Variants in RNF123 observed in about 807,000 individuals in gnomAD.
RNF123 encodes ring finger protein 123.
A neutral mutation model predicts 168.5 loss-of-function variants in RNF123; 86 were observed. That is an observed-to-expected ratio of 0.51 (90% CI 0.43 to 0.61). The LOEUF is 0.61. Ranked by LOEUF, RNF123 falls within the 20% of genes least tolerant of loss-of-function variation. RNF123 has a pLI of 0.00. For missense variants in RNF123, 1,419 were observed against 1,729.7 expected (o/e 0.82, Z 3.19); for synonymous variants, 666 against 689.1 (o/e 0.97, Z 0.52).
At chr3:49,693,894 A>G (rs952006987) in intron 3 of RNF123, among the ~76,000 whole-genome samples, 3 of 152,048 alleles carry the variant, frequency 2.0e-5, no homozygotes, top group African/African-American at 4.8e-5. Flanking sequence ...TACCATTCGT[A>G]TGTCTTCTTT....
chr3:49,700,596 T>C, intron 14 of RNF123, 32 bp downstream of exon 14: 1 of 1,614,054 alleles, frequency 6.2e-7, no homozygotes, highest in Non-Finnish European at 8.5e-7. Context: ...CTGAGCCCCC[T>C]GGGACTCGCC....
Position 49,720,372 on chromosome 3 carries a change from GT to G in RNF123, c.3501-136del, listed in dbSNP as rs2080373133. 43 of 850,884 alleles carry G rather than the reference GT, an allele frequency of 5.1e-5. 3 individuals are homozygous for G. In the South Asian group the frequency reaches 1.1e-3, roughly 22 times the overall value. 52.7% of individuals were successfully genotyped at this position (850,884 alleles called of 1,614,324 possible). On this transcript the variant is annotated intron_variant, in intron 35 of 38. Transcript: ENST00000327697. Reference sequence around the variant, plus strand: ...ACCTTACTAGAATACAGGACTTGGGGTTTGGGAAGCAGGGAGACGGAAAGGA... The same window carrying G: ...ACCTTACTAGAATACAGGACTTGGGGTTGGGAAGCAGGGAGACGGAAAGGA...
intron 25 of RNF123, among the ~76,000 whole-genome samples, chr3:49,706,279 T>C (rs116643069): frequency 0.015 from 2,268 of 152,254 alleles, 44 homozygotes; most frequent in Non-Finnish European, 0.016. Flanking sequence ...GCCCAATAAG[T>C]GCTGAAGCAC....
rs1322085256 is a variant in RNF123 at position 49,698,042 on chromosome 3, C to T, written c.398-10C>T. ...TGTCCACCTCGTGGCCCTAACTCAG[C>T]TCTTTCCAGGGAAATGGCTCTACGA... On this transcript the variant is annotated splice_polypyrimidine_tract_variant and intron_variant, in intron 6 of 38. Transcript: ENST00000327697. 2.5e-6 allele frequency: 4 copies of T among 1,614,014 alleles called. No homozygotes were observed. The African/African-American group carries it at 5.3e-5, about 22-fold the overall frequency.
At chr3:49,692,595 A>G (rs958516719) in intron 3 of RNF123, among the ~76,000 whole-genome samples, 2 of 152,166 alleles carry the variant, frequency 1.3e-5, no homozygotes, top group African/African-American at 4.8e-5. Flanking sequence ...TTTTGTACGC[A>G]TTAGCCATCC....
intron 3 of RNF123, 90 bp from the exon 4 acceptor site, chr3:49,697,053 C>G (rs754140458): frequency 1.5e-5 from 17 of 1,108,854 alleles, no homozygotes; most frequent in African/African-American, 4.6e-5. Flanking sequence ...AGGCAGCCCC[C>G]CTGTGAGCTC....
chr3:49,709,579 C>T (rs1380963651), intron 26 of RNF123, among the ~76,000 whole-genome samples: 8 of 152,100 alleles, frequency 5.3e-5, no homozygotes, highest in Non-Finnish European at 2.9e-5. Flanking sequence ...GGATTACAGG[C>T]GTGAGCCACC....
chr3:49,701,418 C>T (rs2054381418), intron 15 of RNF123, 73 bp from the exon 16 acceptor site: 8 of 1,177,924 alleles, frequency 6.8e-6, no homozygotes. Flanking sequence ...CAGGGATGGG[C>T]TCCTGGGGAA....
chr3:49,702,602 C>T, intron 19 of RNF123, 31 bp from the exon 20 acceptor site: 1 of 1,614,218 alleles, frequency 6.2e-7, no homozygotes, highest in Non-Finnish European at 8.5e-7. Flanking sequence ...TGGACTGGCA[C>T]CAATGCATGT....
chr3:49,715,298 G>A (rs947800267), intron 31 of RNF123, among the ~76,000 whole-genome samples: 3 of 152,242 alleles, frequency 2.0e-5, no homozygotes, highest in African/African-American at 7.2e-5. Context: ...GGGTCAGGCT[G>A]TGGCTGTGTG....
Position 49,716,484 on chromosome 3 carries a change from G to T in RNF123, c.3500+7G>T, listed in dbSNP as rs1370165796. ...TGCGTGGCCCAGCCTCAGAGTGAGT[G>T]TTGGGGACCGTGGGCCCCTGTGGGA... On this transcript the variant is annotated splice_region_variant and intron_variant, in intron 35 of 38. Coordinates refer to ENST00000327697, the MANE Select transcript of RNF123 (RefSeq NM_022064.5). The T allele has an allele frequency of 1.2e-6, 2 of 1,612,812 alleles. No individual in the cohort carries two copies. Among genetic ancestry groups the T allele is most frequent in the South Asian group, 1.1e-5 (1 of 91,020 alleles).
chr3:49,705,460 C>T (rs1575530124), intron 23 of RNF123, 74 bp from the exon 24 acceptor site: 6 of 1,520,632 alleles, frequency 3.9e-6, no homozygotes, highest in South Asian at 3.9e-5. Context: ...AGATGATTTC[C>T]TCTCCTGCTG....
rs974065711 is a variant in RNF123 at position 49,719,705 on chromosome 3, T to G, written c.3501-806T>G. 11 of 492,818 alleles carry G rather than the reference T, an allele frequency of 2.2e-5. No individual in the cohort carries two copies. The Middle Eastern group carries it at 1.6e-3, about 73-fold the overall frequency. 30.5% of individuals were successfully genotyped at this position (492,818 alleles called of 1,614,324 possible). A position where few individuals can be genotyped will look rare whatever the true frequency, so the allele number is the denominator to read the frequency against. ...CTCTCCAAGCGAGTTCCTGATCGGC[T>G]CCTAAATACTCCCCCCAGGGGCGGG... On this transcript the variant is annotated intron_variant, in intron 35 of 38. Coordinates refer to ENST00000327697, the MANE Select transcript of RNF123 (RefSeq NM_022064.5).
intron 21 of RNF123, 103 bp downstream of exon 21, chr3:49,703,631 G>T: frequency 1.1e-6 from 1 of 878,636 alleles, no homozygotes; most frequent in South Asian, 1.7e-5. Flanking sequence ...GGCCACCAGA[G>T]GGTGCCCAAG....
intron 35 of RNF123, chr3:49,718,072 T>A: frequency 6.2e-7 from 1 of 1,613,616 alleles, no homozygotes; most frequent in South Asian, 1.1e-5. Context: ...CACGCGGCCA[T>A]TGAGGCCCCT....
intron 24 of RNF123, 59 bp downstream of exon 24, chr3:49,705,738 T>C: frequency 1.9e-6 from 3 of 1,608,090 alleles, no homozygotes; most frequent in Non-Finnish European, 2.5e-6. Flanking sequence ...TGGTTGTGTG[T>C]GTATTCCTGT....
chr3:49,712,277 T>C (rs1210725329), intron 26 of RNF123, among the ~76,000 whole-genome samples: 1 of 151,986 alleles, frequency 6.6e-6, no homozygotes, highest in Admixed American at 6.6e-5. Context: ...GTCACAGTAA[T>C]GCGCCCTCCA....
chr3:49,715,359 G>A, intron 31 of RNF123: 3 of 607,314 alleles, frequency 4.9e-6, no homozygotes, highest in Admixed American at 3.0e-5. Context: ...GGACACAGCT[G>A]CAGCCTGGGG....
intron 26 of RNF123, among the ~76,000 whole-genome samples, chr3:49,709,102 G>T (rs370922623): frequency 6.9e-6 from 1 of 144,482 alleles, no homozygotes; most frequent in South Asian, 2.3e-4. Flanking sequence ...CTACAGGTGC[G>T]CACCACCATG....
Sources: allele counts gnomAD v4.1 joint callset (sites outside exome capture counted in the v4.1 genomes callset), GRCh38; gene constraint gnomAD v4.1.1; transcripts MANE v1.5; gene names NCBI Gene and HGNC (gene_info 2026-07-23, HGNC 2026-07-21).